PAN3: variants seen among roughly 807,000 people sequenced by gnomAD.
The protein encoded by PAN3 is poly(A) specific ribonuclease subunit PAN3, also known as PAN2-PAN3 deadenylation complex subunit PAN3.
In PAN3, 19 loss-of-function variants were observed where a neutral mutation model predicts 96.2. That is an observed-to-expected ratio of 0.20 (90% CI 0.14 to 0.29). The LOEUF is 0.29. Ranked by LOEUF, PAN3 falls within the 10% of genes least tolerant of loss-of-function variation. The pLI, the probability that PAN3 is intolerant of heterozygous loss-of-function variation, is 1.00. For missense variants in PAN3, 882 were observed against 1,108.1 expected (o/e 0.80, Z 2.90); for synonymous variants, 433 against 406.6 (o/e 1.06, Z -0.78).
chr13:28,255,555 T>C (rs539114838), intron 6 of PAN3, among the ~76,000 whole-genome samples: 36 of 152,238 alleles, frequency 2.4e-4, no homozygotes, highest in African/African-American at 8.7e-4. Flanking sequence ...TCTTACTGGT[T>C]GTGGTTGTTC....
intron 6 of PAN3, among the ~76,000 whole-genome samples, chr13:28,233,115 G>A (rs1882747979): frequency 6.6e-6 from 1 of 152,030 alleles, no homozygotes; most frequent in Non-Finnish European, 1.5e-5. Flanking sequence ...TATTGGTATA[G>A]TTAGGAAAAT....
intron 9 of PAN3, among the ~76,000 whole-genome samples, chr13:28,261,844 AAAAAAAAG>A (rs1271552305): frequency 1.3e-5 from 2 of 149,856 alleles, no homozygotes; most frequent in East Asian, 2.0e-4. Context: ...AAAAAAAAAA[AAAAAAAAG>A]GACAGTCCCA....
chr13:28,164,017 T>A (rs1873220402), intron 1 of PAN3, among the ~76,000 whole-genome samples: 1 of 152,092 alleles, frequency 6.6e-6, no homozygotes, highest in African/African-American at 2.4e-5. Context: ...TTCCTCAGCC[T>A]GGGAGGCAGA....
chr13:28,268,655 A>C (rs1368911574), intron 12 of PAN3, among the ~76,000 whole-genome samples: 2 of 152,152 alleles, frequency 1.3e-5, no homozygotes, highest in Non-Finnish European at 1.5e-5. Flanking sequence ...AAGCAGCATC[A>C]CGTTATTATG....
chr13:28,190,042 C>T (rs1025440281), intron 4 of PAN3, among the ~76,000 whole-genome samples: 1 of 152,170 alleles, frequency 6.6e-6, no homozygotes, highest in African/African-American at 2.4e-5. Flanking sequence ...CCCCCGGGTT[C>T]AAGTGATTCC....
chr13:28,178,264 A>G (rs138798468), intron 4 of PAN3, among the ~76,000 whole-genome samples: 121 of 152,288 alleles, frequency 7.9e-4, no homozygotes, highest in African/African-American at 2.7e-3. Context: ...CATGTTAATC[A>G]TGTTTAAACT....
At chr13:28,287,004 C>T (rs12583827) in intron 17 of PAN3, among the ~76,000 whole-genome samples, 20,129 of 152,070 alleles carry the variant, frequency 0.13, 1,574 homozygotes, top group East Asian at 0.33. Flanking sequence ...TTCTTGTCTT[C>T]ACTCTGTTCC....
intron 1 of PAN3, among the ~76,000 whole-genome samples, chr13:28,157,833 C>A (rs1486798260): frequency 1.3e-5 from 2 of 152,284 alleles, no homozygotes; most frequent in Admixed American, 6.5e-5. Context: ...TGACACTCTT[C>A]ACAGAATTAG....
At chr13:28,252,603 T>C (rs1884828222) in intron 6 of PAN3, among the ~76,000 whole-genome samples, 1 of 152,192 alleles carries the variant, frequency 6.6e-6, no homozygotes, top group Non-Finnish European at 1.5e-5. Flanking sequence ...TCCTTACTTT[T>C]ATTTGAATTG....
At chr13:28,151,372 G>A (rs1204979991) in intron 1 of PAN3, among the ~76,000 whole-genome samples, 1 of 151,926 alleles carries the variant, frequency 6.6e-6, no homozygotes, top group Non-Finnish European at 1.5e-5. Context: ...AAAATTAGCC[G>A]GGCATGGTGG....
At chr13:28,289,774 C>T (rs554935075) in intron 18 of PAN3, among the ~76,000 whole-genome samples, 4 of 152,104 alleles carry the variant, frequency 2.6e-5, no homozygotes, top group East Asian at 1.9e-4. Flanking sequence ...CCCAGCTACT[C>T]GGGAGGCTGA....
At chr13:28,220,110 G>A in intron 5 of PAN3, 121 bp from the exon 6 acceptor site, 2 of 970,758 alleles carry the variant, frequency 2.1e-6, no homozygotes, top group African/African-American at 1.7e-5. Flanking sequence ...GAAAACACTT[G>A]TTAATCCTTT....
intron 4 of PAN3, among the ~76,000 whole-genome samples, chr13:28,189,810 A>G (rs1396499749): frequency 6.6e-6 from 1 of 152,212 alleles, no homozygotes; most frequent in South Asian, 2.1e-4. Context: ...CTACCGAATC[A>G]TAATCTTTTA....
At position 28,165,644 on chromosome 13, in the gene PAN3, T is replaced by A. The variant is rs1016624440; in HGVS notation, c.431-8628T>A. ...TTCAATTTCTTATTATTCTATAGTGTCTTAGTTCATTTCTGCAGCTCTTAA... is the reference window on the plus strand; with the variant it reads ...TTCAATTTCTTATTATTCTATAGTGACTTAGTTCATTTCTGCAGCTCTTAA... On this transcript the variant is annotated intron_variant, in intron 1 of 18. Coordinates refer to ENST00000380958, the MANE Select transcript of PAN3 (RefSeq NM_175854.8). 2.2e-4 allele frequency among the ~76,000 whole-genome samples: 34 copies of A among 152,192 alleles called. 1 individual carries two copies. The highest frequency in any genetic ancestry group is 7.7e-4 in the African/African-American group (32 of 41,442).
chr13:28,225,822 T>A (rs976344157), intron 6 of PAN3, among the ~76,000 whole-genome samples: 1 of 152,246 alleles, frequency 6.6e-6, no homozygotes, highest in Non-Finnish European at 1.5e-5. Context: ...TGTGTGTCCA[T>A]ATAACTGATT....
At chr13:28,277,945 C>A (rs1299069067) in intron 15 of PAN3, among the ~76,000 whole-genome samples, 1 of 152,168 alleles carries the variant, frequency 6.6e-6, no homozygotes, top group East Asian at 1.9e-4. Context: ...CCTTGAGTAT[C>A]GATTTGAGAT....
chr13:28,266,648 T>A (rs1360621760), intron 9 of PAN3, 67 bp from the exon 10 acceptor site: 8 of 1,270,678 alleles, frequency 6.3e-6, no homozygotes, highest in Non-Finnish European at 8.5e-6. Context: ...TATCATGTCT[T>A]CTGTATTTTT....
At chr13:28,239,866 G>A (rs530319332) in intron 6 of PAN3, 2 of 325,150 alleles carry the variant, frequency 6.2e-6, no homozygotes, top group South Asian at 5.5e-5. Flanking sequence ...CTTTAAAGTG[G>A]ATAAATTTTA....
chr13:28,175,580 CTG>C (rs1267037284), intron 2 of PAN3, among the ~76,000 whole-genome samples: 1 of 152,086 alleles, frequency 6.6e-6, no homozygotes, highest in African/African-American at 2.4e-5. Context: ...TCAAGTTGGA[CTG>C]ATTTTAAGGG....
Sources: allele counts gnomAD v4.1 joint callset (sites outside exome capture counted in the v4.1 genomes callset), GRCh38; gene constraint gnomAD v4.1.1; transcripts MANE v1.5; gene names NCBI Gene and HGNC (gene_info 2026-07-23, HGNC 2026-07-21).